Variants in MAML2 observed in about 807,000 individuals in gnomAD.
MAML2 encodes mastermind-like protein 2.
MAML2 carries 22 observed loss-of-function variants against 96.1 expected under a neutral mutation model. The observed-to-expected ratio is 0.23, with a 90% CI of 0.16 to 0.33. MAML2 has a LOEUF of 0.33. Among genes scored for constraint, MAML2 ranks in the 10% least tolerant of loss-of-function variants. The pLI, the probability that MAML2 is intolerant of heterozygous loss-of-function variation, is 1.00. For synonymous variants in MAML2, 561 were observed against 521.3 expected (o/e 1.08, Z -1.04); for missense variants, 1,367 against 1,392.4 (o/e 0.98, Z 0.29).
intron 1 of MAML2, among the ~76,000 whole-genome samples, chr11:96,185,710 C>T (rs933378908): frequency 6.6e-6 from 1 of 152,304 alleles, no homozygotes; most frequent in East Asian, 1.9e-4. Flanking sequence ...TGTTACTGCT[C>T]AGTGTTCCTC....
At chr11:96,023,764 C>T (rs574723401) in intron 2 of MAML2, among the ~76,000 whole-genome samples, 28 of 152,200 alleles carry the variant, frequency 1.8e-4, no homozygotes, top group Non-Finnish European at 3.4e-4. Flanking sequence ...AGGCTTAGAG[C>T]AAACAGAATA....
chr11:96,240,006 G>A (rs1473533864), intron 1 of MAML2, among the ~76,000 whole-genome samples: 3 of 152,112 alleles, frequency 2.0e-5, no homozygotes, highest in Admixed American at 2.0e-4. Flanking sequence ...GGCTTCATAG[G>A]CATCATCATC....
chr11:95,994,132 C>T (rs1252098110), intron 2 of MAML2, among the ~76,000 whole-genome samples: 1 of 152,194 alleles, frequency 6.6e-6, no homozygotes, highest in African/African-American at 2.4e-5. Context: ...CCCATCAGTT[C>T]ATGCAGCACT....
chr11:96,279,941 A>G (rs1242872618), intron 1 of MAML2, among the ~76,000 whole-genome samples: 1 of 152,224 alleles, frequency 6.6e-6, no homozygotes, highest in African/African-American at 2.4e-5. Context: ...TCATTTCTCT[A>G]TTTGAGTGAG....
At chr11:96,109,377 T>C (rs1860081223) in intron 1 of MAML2, among the ~76,000 whole-genome samples, 1 of 152,174 alleles carries the variant, frequency 6.6e-6, no homozygotes, top group Non-Finnish European at 1.5e-5. Flanking sequence ...ATGTCAGTAA[T>C]GTATTTTGGA....
chr11:96,285,669 G>A (rs923224467), intron 1 of MAML2, among the ~76,000 whole-genome samples: 4 of 151,976 alleles, frequency 2.6e-5, no homozygotes, highest in African/African-American at 7.3e-5. Context: ...CAAACAACAC[G>A]AACAGACACT....
intron 2 of MAML2, among the ~76,000 whole-genome samples, chr11:96,029,764 T>C (rs2135744504): frequency 6.6e-6 from 1 of 152,300 alleles, no homozygotes; most frequent in East Asian, 1.9e-4. Context: ...AAAAATTTAG[T>C]GGTGAGGTTT....
At chr11:96,169,391 C>A (rs992633464) in intron 1 of MAML2, among the ~76,000 whole-genome samples, 2 of 152,230 alleles carry the variant, frequency 1.3e-5, no homozygotes, top group African/African-American at 2.4e-5. Flanking sequence ...TTCCATCTAG[C>A]ACTTTCTCCA....
At chr11:95,985,704 A>G (rs1386428412) in intron 3 of MAML2, 62 bp from the exon 4 acceptor site, 3 of 1,152,852 alleles carry the variant, frequency 2.6e-6, no homozygotes, top group East Asian at 2.5e-5. Context: ...GTGAAAATAC[A>G]TGTAAAATTT....
chr11:96,249,024 C>T (rs909032129), intron 1 of MAML2, among the ~76,000 whole-genome samples: 3 of 152,176 alleles, frequency 2.0e-5, no homozygotes, highest in Non-Finnish European at 4.4e-5. Context: ...TTCAGAGAGC[C>T]AGTTTACCAG....
At chr11:96,001,530 C>T (rs543357117) in intron 2 of MAML2, among the ~76,000 whole-genome samples, 2 of 152,204 alleles carry the variant, frequency 1.3e-5, no homozygotes, top group East Asian at 3.9e-4. Flanking sequence ...TCCTCCCATC[C>T]CCCAAACACA....
chr11:96,009,884 G>A (rs1858240819), intron 2 of MAML2, among the ~76,000 whole-genome samples: 1 of 152,118 alleles, frequency 6.6e-6, no homozygotes, highest in Non-Finnish European at 1.5e-5. Context: ...TTTACAAAAA[G>A]GTCATGTATT....
intron 1 of MAML2, among the ~76,000 whole-genome samples, chr11:96,152,172 T>C (rs977154953): frequency 2.6e-5 from 4 of 152,212 alleles, no homozygotes; most frequent in Admixed American, 2.0e-4. Flanking sequence ...CAATGAGCTA[T>C]GATTGCACCA....
At chr11:96,126,082 G>A (rs763677617) in intron 1 of MAML2, among the ~76,000 whole-genome samples, 52 of 152,118 alleles carry the variant, frequency 3.4e-4, no homozygotes, top group Non-Finnish European at 5.9e-4. Context: ...TAATACTTTC[G>A]TGACATGCTG....
intron 2 of MAML2, among the ~76,000 whole-genome samples, chr11:95,999,318 TAAC>T (rs1858044855): frequency 6.6e-6 from 1 of 152,180 alleles, no homozygotes; most frequent in South Asian, 2.1e-4. Context: ...AAAAAGATGT[TAAC>T]TAATAAAATC....
chr11:96,036,715 T>C (rs934415729), intron 2 of MAML2, among the ~76,000 whole-genome samples: 2 of 152,110 alleles, frequency 1.3e-5, no homozygotes, highest in Admixed American at 6.5e-5. Context: ...ATTGTAAAAA[T>C]AACTCCGGGG....
chr11:96,230,607 A>G (rs891104941), intron 1 of MAML2, among the ~76,000 whole-genome samples: 2 of 152,224 alleles, frequency 1.3e-5, no homozygotes, highest in Middle Eastern at 3.2e-3. Context: ...ACTAAAATGT[A>G]TGTAGGGATG....
At chr11:96,249,737 C>G (rs977791081) in intron 1 of MAML2, among the ~76,000 whole-genome samples, 1 of 152,100 alleles carries the variant, frequency 6.6e-6, no homozygotes, top group Non-Finnish European at 1.5e-5. Context: ...TAGCTAGTAA[C>G]TAGCTCCAAG....
chr11:96,332,952 C>G (rs1863872627), intron 1 of MAML2, among the ~76,000 whole-genome samples: 1 of 152,196 alleles, frequency 6.6e-6, no homozygotes, highest in South Asian at 2.1e-4. Flanking sequence ...ATCCAACAGA[C>G]TCCCGGTAAG....
Sources: allele counts gnomAD v4.1 joint callset (sites outside exome capture counted in the v4.1 genomes callset), GRCh38; gene constraint gnomAD v4.1.1; transcripts MANE v1.5; gene names NCBI Gene and HGNC (gene_info 2026-07-23, HGNC 2026-07-21).